Variants in USP15 observed in about 807,000 individuals in gnomAD.
The protein encoded by USP15 is ubiquitin carboxyl-terminal hydrolase 15.
In USP15, 18 loss-of-function variants were observed where a neutral mutation model predicts 127.1. That is an observed-to-expected ratio of 0.14 (90% confidence interval 0.10 to 0.21). USP15 has a LOEUF of 0.21. USP15 is among the 10% of genes least tolerant of loss of function. USP15 has a pLI of 1.00. For synonymous variants in USP15, 364 were observed against 393.7 expected (o/e 0.92, Z 0.89); for missense variants, 805 against 1,159.9 (o/e 0.69, Z 4.44).
intron 14 of USP15, 81 bp from the exon 15 acceptor site, chr12:62,390,783 G>C: frequency 1.0e-6 from 1 of 997,216 alleles, no homozygotes; most frequent in East Asian, 2.7e-5. Flanking sequence ...AAAAAGTTTT[G>C]TTTTACTGAT....
intron 8 of USP15, 96 bp downstream of exon 8, chr12:62,355,571 G>A (rs2066096710): frequency 7.6e-7 from 1 of 1,312,520 alleles, no homozygotes; most frequent in African/African-American, 1.5e-5. Flanking sequence ...ATGAGTATAT[G>A]TTTTGAAAGT....
chr12:62,352,927 A>C (rs182930491), intron 7 of USP15, among the ~76,000 whole-genome samples: 14 of 152,082 alleles, frequency 9.2e-5, no homozygotes, highest in African/African-American at 3.4e-4. Context: ...CTATTACTGT[A>C]AATTTATTTT....
At chr12:62,363,646 A>G (rs965906710) in intron 8 of USP15, among the ~76,000 whole-genome samples, 1 of 151,814 alleles carries the variant, frequency 6.6e-6, no homozygotes, top group Non-Finnish European at 1.5e-5. Context: ...TTGTCTGTGT[A>G]TCTTCCCCTA....
chr12:62,327,818 C>A, intron 6 of USP15: 1 of 265,950 alleles, frequency 3.8e-6, no homozygotes, highest in Non-Finnish European at 7.5e-6. Context: ...AATTAAGAGT[C>A]CTATTTTTCA....
intron 2 of USP15, among the ~76,000 whole-genome samples, chr12:62,300,681 C>G (rs1036114115): frequency 3.9e-5 from 6 of 152,082 alleles, no homozygotes; most frequent in African/African-American, 1.4e-4. Context: ...TAAACAAATG[C>G]GCCTTGAGTA....
chr12:62,302,933 A>C lies in USP15; in HGVS notation c.348+13A>C. 6.2e-7 allele frequency: 1 copy of C among 1,605,388 alleles called. No homozygotes were observed. The highest frequency in any genetic ancestry group is 1.1e-5 in the South Asian group (1 of 89,686). On this transcript the variant is annotated intron_variant, in intron 3 of 21. Transcript: ENST00000280377. The stretch of plus-strand genomic sequence containing the variant: ...AATAGCACGAAAGGTACATTTTAAT[A>C]ATAACTGACTATAAATATTATTTTT...
rs567973115 is a variant in USP15 at position 62,372,494 on chromosome 12, C to T, written c.916-8996C>T. Among the ~76,000 whole-genome samples the T allele has an allele frequency of 2.4e-4, 36 of 151,982 alleles. No homozygotes were observed. In the South Asian group the frequency reaches 5.6e-3, roughly 24 times the overall value. ...TTGAACAATTAAAGTTTTTTTATTA[C>T]AAAAATGGCTTGTTTCTCTTAAAGA... On this transcript the variant is annotated intron_variant, in intron 8 of 21. Transcript: ENST00000280377.
intron 6 of USP15, among the ~76,000 whole-genome samples, chr12:62,347,466 A>G (rs1402454091): frequency 6.6e-6 from 1 of 151,782 alleles, no homozygotes; most frequent in African/African-American, 2.4e-5. Context: ...TCAGGGGAAC[A>G]TTCGATTTAT....
At chr12:62,264,017 C>G (rs1434274021) in intron 1 of USP15, among the ~76,000 whole-genome samples, 1 of 152,132 alleles carries the variant, frequency 6.6e-6, no homozygotes, top group Non-Finnish European at 1.5e-5. Flanking sequence ...GAAACAGAGT[C>G]TCGCTGTGTC....
intron 7 of USP15, among the ~76,000 whole-genome samples, chr12:62,352,030 G>A (rs1471829448): frequency 1.3e-5 from 2 of 151,564 alleles, no homozygotes; most frequent in East Asian, 1.9e-4. Context: ...ATGTAAAATA[G>A]GTAATGACCT....
At chr12:62,328,842 T>C (rs73321510) in intron 6 of USP15, among the ~76,000 whole-genome samples, 2,351 of 152,318 alleles carry the variant, frequency 0.015, 66 homozygotes, top group African/African-American at 0.055. Context: ...AATAGATTGG[T>C]ATAAACTAGT....
chr12:62,401,026 A>G (rs909168287), intron 20 of USP15, 161 bp from the exon 21 acceptor site: 11 of 460,362 alleles, frequency 2.4e-5, no homozygotes, highest in African/African-American at 2.2e-4. Context: ...CTAATTGTAG[A>G]AATTAGAAAT....
At chr12:62,300,889 T>C (rs2064295615) in intron 2 of USP15, among the ~76,000 whole-genome samples, 1 of 152,152 alleles carries the variant, frequency 6.6e-6, no homozygotes, top group African/African-American at 2.4e-5. Flanking sequence ...TAGTTGTGTC[T>C]CATCAGTAAC....
chr12:62,355,198 G>A, intron 7 of USP15, 133 bp from the exon 8 acceptor site: 1 of 797,602 alleles, frequency 1.3e-6, no homozygotes. Context: ...CTTTAAAAAA[G>A]TATCTGAGTT....
intron 8 of USP15, among the ~76,000 whole-genome samples, chr12:62,362,275 T>A (rs1296591200): frequency 6.6e-6 from 1 of 152,184 alleles, no homozygotes; most frequent in Non-Finnish European, 1.5e-5. Flanking sequence ...TTAACCATTT[T>A]AAGTGTATAG....
chr12:62,320,823 C>G (rs1238480291), intron 4 of USP15, among the ~76,000 whole-genome samples: 2 of 151,908 alleles, frequency 1.3e-5, no homozygotes, highest in African/African-American at 4.8e-5. Context: ...ATTCATATAT[C>G]ATAAAATATT....
At chr12:62,281,715 G>A (rs2063654906) in intron 1 of USP15, among the ~76,000 whole-genome samples, 1 of 150,978 alleles carries the variant, frequency 6.6e-6, no homozygotes, top group African/African-American at 2.4e-5. Flanking sequence ...GAAATATGGT[G>A]CCCTTTTTCA....
Position 62,337,779 on chromosome 12 carries a change from G to A in USP15, c.684-11442G>A, listed in dbSNP as rs565751505. ...AGTTTGCTGAGAATGATGGTTTCCA[G>A]CTTCACCCATGTCCCTGCAAAGGAC... On this transcript the variant is annotated intron_variant, in intron 6 of 21. Coordinates refer to ENST00000280377, the MANE Select transcript of USP15 (RefSeq NM_001252078.2). Among the ~76,000 whole-genome samples, 74 of 152,042 alleles carry A rather than the reference G, an allele frequency of 4.9e-4. 1 individual carries two copies. The highest frequency in any genetic ancestry group is 9.0e-4 in the Non-Finnish European group (61 of 68,030).
At chr12:62,396,887 TC>T (rs1346476235) in intron 20 of USP15, among the ~76,000 whole-genome samples, 4 of 152,138 alleles carry the variant, frequency 2.6e-5, no homozygotes, top group Non-Finnish European at 5.9e-5. Context: ...ACATCTAAAT[TC>T]CCTTTCACTT....
Sources: allele counts gnomAD v4.1 joint callset (sites outside exome capture counted in the v4.1 genomes callset), GRCh38; gene constraint gnomAD v4.1.1; transcripts MANE v1.5; gene names NCBI Gene and HGNC (gene_info 2026-07-23, HGNC 2026-07-21).